Variants in CAMKMT observed in about 807,000 individuals in gnomAD.
The protein encoded by CAMKMT is calmodulin-lysine N-methyltransferase.
A neutral mutation model predicts 48.0 loss-of-function variants in CAMKMT; 53 were observed. That is an observed-to-expected ratio of 1.10 (90% CI 0.89 to 1.39). The LOEUF (loss-of-function observed/expected upper bound fraction) is 1.39. Ranked by LOEUF, CAMKMT falls within the 40% of genes most tolerant of loss-of-function variation. The pLI, the probability that CAMKMT is intolerant of heterozygous loss-of-function variation, is 0.00. For synonymous variants in CAMKMT, 165 were observed against 152.3 expected (o/e 1.08, Z -0.61); for missense variants, 428 against 402.7 (o/e 1.06, Z -0.54).
chr2:44,398,665 C>G (rs925355928), intron 3 of CAMKMT, among the ~76,000 whole-genome samples: 2 of 150,516 alleles, frequency 1.3e-5, no homozygotes, highest in African/African-American at 2.4e-5. Flanking sequence ...AGGTACTTCT[C>G]AAGCTTATGG....
intron 3 of CAMKMT, chr2:44,393,291 T>A (rs1681522390): frequency 6.6e-6 from 1 of 152,194 alleles, no homozygotes; most frequent in African/African-American, 2.4e-5. Context: ...TATAGAAGTT[T>A]TGTGGTTTTA....
chr2:44,431,378 C>CT (rs555246692), intron 3 of CAMKMT, among the ~76,000 whole-genome samples: 415 of 152,262 alleles, frequency 2.7e-3, no homozygotes, highest in Admixed American at 9.0e-3. Flanking sequence ...GTATAAATGA[C>CT]TTTTTTCCCT....
chr2:44,418,488 GATTGAAAA>G (rs1683721094), intron 3 of CAMKMT, among the ~76,000 whole-genome samples: 1 of 152,022 alleles, frequency 6.6e-6, no homozygotes, highest in Non-Finnish European at 1.5e-5. Context: ...TGGTATCATT[GATTGAAAA>G]CACTGTCATT....
chr2:44,710,504 ACAGATGCCATTTTATCTGTAC>A (rs1354181321), intron 6 of CAMKMT, among the ~76,000 whole-genome samples: 1 of 152,150 alleles, frequency 6.6e-6, no homozygotes, highest in Non-Finnish European at 1.5e-5. Context: ...GCTCTTCCCT[ACAGATGCCATTTTATCTGTAC>A]CCCAAGAGAA....
intron 7 of CAMKMT, among the ~76,000 whole-genome samples, chr2:44,733,556 A>G (rs771696323): frequency 1.8e-4 from 27 of 152,290 alleles, no homozygotes; most frequent in Middle Eastern, 3.4e-3. Flanking sequence ...ACCATTAAGT[A>G]TGATGTTAAC....
chr2:44,484,132 G>T (rs945416551), intron 3 of CAMKMT, among the ~76,000 whole-genome samples: 2 of 151,838 alleles, frequency 1.3e-5, no homozygotes, highest in Admixed American at 1.3e-4. Flanking sequence ...GAAGCCATTG[G>T]CAGGGAGACA....
chr2:44,549,627 G>T, intron 3 of CAMKMT: 1 of 649,072 alleles, frequency 1.5e-6, no homozygotes, highest in South Asian at 1.8e-5. Context: ...TCAAACTCCT[G>T]AACTGCTCAT....
chr2:44,666,583 T>C (rs766665496), intron 3 of CAMKMT, among the ~76,000 whole-genome samples: 11 of 151,634 alleles, frequency 7.3e-5, no homozygotes, highest in Non-Finnish European at 1.5e-4. Context: ...ACTGAACTTG[T>C]ATTTTGATCT....
chr2:44,621,067 G>C (rs1307937838), intron 3 of CAMKMT, among the ~76,000 whole-genome samples: 2 of 152,090 alleles, frequency 1.3e-5, no homozygotes, highest in Non-Finnish European at 2.9e-5. Flanking sequence ...AGGAGACAGA[G>C]ACCATCCTGG....
At chr2:44,440,445 C>T (rs1316486757) in intron 3 of CAMKMT, among the ~76,000 whole-genome samples, 2 of 152,158 alleles carry the variant, frequency 1.3e-5, no homozygotes, top group Non-Finnish European at 2.9e-5. Context: ...GATCCTACCT[C>T]ATAGCATGTG....
rs1405656553 is a variant in CAMKMT, at chr2:44,455,385, A to C, written c.376+65080A>C. 3.9e-5 allele frequency among the ~76,000 whole-genome samples: 6 copies of C among 152,302 alleles called. No individual in the cohort carries two copies. The East Asian group carries it at 7.7e-4, about 20-fold the overall frequency. ...TTGAACTTTGAGGTCTGAGCAGTGC[A>C]GGAAGAAGAGAAGAAATTGCGTTGC... On this transcript the variant is annotated intron_variant, in intron 3 of 10. Transcript: ENST00000378494.
At chr2:44,397,761 T>A (rs2104436321) in intron 3 of CAMKMT, among the ~76,000 whole-genome samples, 1 of 152,296 alleles carries the variant, frequency 6.6e-6, no homozygotes, top group Non-Finnish European at 1.5e-5. Context: ...TTTTAAAAAT[T>A]TCTATTTGAA....
chr2:44,526,469 C>T (rs1671408476), intron 3 of CAMKMT, among the ~76,000 whole-genome samples: 1 of 152,062 alleles, frequency 6.6e-6, no homozygotes, highest in Non-Finnish European at 1.5e-5. Flanking sequence ...AGCTGGAGGC[C>T]CAGAAAAGCT....
chr2:44,750,310 C>T (rs1028177876), intron 8 of CAMKMT, among the ~76,000 whole-genome samples: 22 of 152,104 alleles, frequency 1.4e-4, no homozygotes, highest in African/African-American at 4.3e-4. Flanking sequence ...GCACACACCA[C>T]CACGCCTGGC....
At chr2:44,629,977 A>G (rs1085415) in intron 3 of CAMKMT, among the ~76,000 whole-genome samples, 119,354 of 144,356 alleles carry the variant, frequency 0.83, 49,486 homozygotes, top group African/African-American at 0.9. Context: ...GAGGCATCAC[A>G]CTACCTGACT....
intron 3 of CAMKMT, among the ~76,000 whole-genome samples, chr2:44,499,836 T>C (rs1157149812): frequency 6.6e-6 from 1 of 152,226 alleles, no homozygotes; most frequent in Non-Finnish European, 1.5e-5. Flanking sequence ...TTTGTGATAC[T>C]TCTGAATGGT....
chr2:44,473,037 A>T (rs1668505281), intron 3 of CAMKMT, among the ~76,000 whole-genome samples: 1 of 152,228 alleles, frequency 6.6e-6, no homozygotes, highest in African/African-American at 2.4e-5. Context: ...GTCTAAATGG[A>T]TAGTTCTACC....
chr2:44,411,899 C>T (rs995031764), intron 3 of CAMKMT, among the ~76,000 whole-genome samples: 1 of 151,328 alleles, frequency 6.6e-6, no homozygotes, highest in Non-Finnish European at 1.5e-5. Context: ...GATTCATTGC[C>T]CAAAGTATCA....
intron 3 of CAMKMT, among the ~76,000 whole-genome samples, chr2:44,594,540 T>G: frequency 6.6e-6 from 1 of 152,154 alleles, no homozygotes; most frequent in Non-Finnish European, 1.5e-5. Context: ...TTGACAAACC[T>G]GACAGAAACA....
Sources: allele counts gnomAD v4.1 joint callset (sites outside exome capture counted in the v4.1 genomes callset), GRCh38; gene constraint gnomAD v4.1.1; transcripts MANE v1.5; gene names NCBI Gene and HGNC (gene_info 2026-07-23, HGNC 2026-07-21).